Variants in CAST observed in about 807,000 individuals in gnomAD.
CAST encodes the protein calpastatin.
CAST carries 76 observed loss-of-function variants against 119.6 expected under a neutral mutation model. The observed-to-expected ratio is 0.64, with a 90% CI of 0.53 to 0.77. The LOEUF is 0.77. Among genes scored for constraint, CAST ranks in the 30% least tolerant of loss-of-function variants. The pLI is 0.00. For missense variants in CAST, 953 were observed against 946.5 expected (o/e 1.01, Z -0.09); for synonymous variants, 319 against 331.6 (o/e 0.96, Z 0.41).
the CAST span, among the ~76,000 whole-genome samples, chr5:96,413,361 C>T: frequency 1.3e-5 from 2 of 152,174 alleles, no homozygotes; most frequent in African/African-American, 4.8e-5. Context: ...CAGGCAGCTA[C>T]CTGGTTATTT....
the CAST span, among the ~76,000 whole-genome samples, chr5:96,511,354 G>A: frequency 6.6e-6 from 1 of 152,076 alleles, no homozygotes; most frequent in Admixed American, 6.6e-5. Flanking sequence ...ATGTTGGCCA[G>A]GATGGTCTCG....
chr5:96,573,775 C>T (rs1291159407), intron 1 of CAST, among the ~76,000 whole-genome samples: 2 of 152,230 alleles, frequency 1.3e-5, no homozygotes, highest in Non-Finnish European at 2.9e-5. Context: ...TGCCCCTTCT[C>T]AGACAATCCA....
At chr5:96,758,794 A>G (rs1476322330) in intron 24 of CAST, among the ~76,000 whole-genome samples, 1 of 152,156 alleles carries the variant, frequency 6.6e-6, no homozygotes, top group Non-Finnish European at 1.5e-5. Flanking sequence ...CGTCTTCCAT[A>G]CAGACCACAT....
chr5:96,755,366 A>T (rs1766067624), intron 22 of CAST, among the ~76,000 whole-genome samples: 1 of 152,130 alleles, frequency 6.6e-6, no homozygotes. Flanking sequence ...GAAAAAAAAT[A>T]AAATAAGGAA....
chr5:96,494,906 A>G, the CAST span, among the ~76,000 whole-genome samples: 1 of 152,136 alleles, frequency 6.6e-6, no homozygotes, highest in Admixed American at 6.6e-5. Context: ...TCACGAGGTC[A>G]GGAGCTCGAG....
At chr5:96,572,618 C>T (rs56227820) in intron 1 of CAST, among the ~76,000 whole-genome samples, 7,272 of 152,252 alleles carry the variant, frequency 0.048, 241 homozygotes, top group Middle Eastern at 0.092. Context: ...GATTTAATGA[C>T]GCTTTAGTGT....
intron 2 of CAST, among the ~76,000 whole-genome samples, chr5:96,678,977 G>C (rs2150256198): frequency 6.6e-6 from 1 of 152,132 alleles, no homozygotes; most frequent in East Asian, 1.9e-4. Context: ...CAACCATTAA[G>C]TAATCCTAAG....
At chr5:96,622,958 G>C (rs1747648430) in intron 1 of CAST, among the ~76,000 whole-genome samples, 1 of 115,654 alleles carries the variant, frequency 8.6e-6, no homozygotes. Flanking sequence ...CCACTTTCCA[G>C]ATTCAAGCTA....
chr5:96,392,968 T>C, the CAST span: 10 of 1,611,456 alleles, frequency 6.2e-6, no homozygotes, highest in South Asian at 1.1e-5. Flanking sequence ...GGAAGAAGCA[T>C]GAATATTTCC....
chr5:96,084,503 T>C, the CAST span, among the ~76,000 whole-genome samples: 2 of 152,228 alleles, frequency 1.3e-5, no homozygotes, highest in Admixed American at 1.3e-4. Flanking sequence ...ATAAATCAGA[T>C]CGTATTTTAA....
rs1384338802 is a variant in CAST at position 96,757,586 on chromosome 5, A to C, written c.1765A>C (p.Met589Leu). The C allele has an allele frequency of 1.2e-6, 2 of 1,613,742 alleles. No individual in the cohort carries two copies. Among genetic ancestry groups the C allele is most frequent in the East Asian group, 4.5e-5 (2 of 44,870 alleles). Residue 589 changes from methionine (M) to leucine (L), a missense_variant, in exon 24 of 32, where the codon ATG (methionine) becomes CTG (leucine). Met to Leu is a conservative substitution (Grantham distance 15). Transcript: ENST00000675179. ...PKESKEQLPP[M>L]SEDFLLDALS... ...ATACATTTCCTGGTTCTTGCAGCCC[A>C]TGAGTGAAGACTTCCTTCTGGATGC...
the CAST span, among the ~76,000 whole-genome samples, chr5:96,246,486 T>A: frequency 6.6e-6 from 1 of 152,134 alleles, no homozygotes; most frequent in Non-Finnish European, 1.5e-5. Flanking sequence ...GGAAACCTGT[T>A]TTCTTAACAA....
the CAST span, among the ~76,000 whole-genome samples, chr5:96,138,187 C>A: frequency 3.3e-5 from 5 of 151,742 alleles, no homozygotes; most frequent in African/African-American, 1.2e-4. Context: ...AATTTAGGTT[C>A]TTTTTTTTCT....
chr5:96,407,755 A>T, the CAST span, among the ~76,000 whole-genome samples: 3 of 152,240 alleles, frequency 2.0e-5, no homozygotes, highest in African/African-American at 7.2e-5. Context: ...TGATGTGGTT[A>T]TATCAGCTCC....
the CAST span, among the ~76,000 whole-genome samples, chr5:96,267,694 A>G: frequency 6.6e-6 from 1 of 151,928 alleles, no homozygotes; most frequent in Admixed American, 6.6e-5. Context: ...TCAATCTGAG[A>G]AAAAAAAATC....
the CAST span, among the ~76,000 whole-genome samples, chr5:96,475,768 G>A: frequency 2.0e-5 from 3 of 152,230 alleles, no homozygotes; most frequent in Non-Finnish European, 4.4e-5. Context: ...TGCTACAAAA[G>A]AGACTACAAA....
chr5:96,444,139 T>C, the CAST span, among the ~76,000 whole-genome samples: 8 of 152,342 alleles, frequency 5.3e-5, no homozygotes, highest in East Asian at 1.5e-3. Context: ...TTGCCCCTTA[T>C]GGAGCTTGTA....
the CAST span, among the ~76,000 whole-genome samples, chr5:96,377,572 G>A: frequency 5.9e-5 from 9 of 152,100 alleles, no homozygotes; most frequent in East Asian, 1.7e-3. Context: ...GGAGCAACAG[G>A]CTATAGCGGG....
the CAST span, among the ~76,000 whole-genome samples, chr5:96,274,996 T>C: frequency 6.6e-6 from 1 of 152,288 alleles, no homozygotes; most frequent in Non-Finnish European, 1.5e-5. Flanking sequence ...CAATTTATAC[T>C]TTGAGGAAGG....
Sources: allele counts gnomAD v4.1 joint callset (sites outside exome capture counted in the v4.1 genomes callset), GRCh38; gene constraint gnomAD v4.1.1; transcripts MANE v1.5; gene names NCBI Gene and HGNC (gene_info 2026-07-23, HGNC 2026-07-21).